Variants in PLS1 observed in about 807,000 individuals in gnomAD.
PLS1 encodes plastin-1.
Under a neutral mutation model 73.7 loss-of-function variants are expected in PLS1, and 32 were observed. The ratio of observed to expected loss-of-function variants is 0.43; its 90% CI spans 0.33 to 0.58. The LOEUF (loss-of-function observed/expected upper bound fraction) is 0.58. Ranked by LOEUF, PLS1 falls within the 20% of genes least tolerant of loss-of-function variation. The pLI is 0.04. For missense variants in PLS1, 633 were observed against 740.5 expected, an observed-to-expected ratio of 0.85 and a Z score of 1.68; for synonymous variants, 217 against 261.3, an observed-to-expected ratio of 0.83 and a Z score of 1.63.
chr3:142,671,759 G>C (rs1454534592), intron 4 of PLS1, among the ~76,000 whole-genome samples: 1 of 152,120 alleles, frequency 6.6e-6, no homozygotes, highest in Admixed American at 6.5e-5. Context: ...TTATTTATAT[G>C]AACATAACTA....
At chr3:142,660,709 T>C (rs1382503125) in intron 1 of PLS1, among the ~76,000 whole-genome samples, 1 of 152,248 alleles carries the variant, frequency 6.6e-6, no homozygotes, top group Non-Finnish European at 1.5e-5. Flanking sequence ...TTTTTCTGTT[T>C]GTTTCATTTC....
In PLS1 at chr3:142,669,537, T is replaced by C; in HGVS notation, c.218T>C (p.Phe73Ser). The C allele has an allele frequency of 1.2e-6, 2 of 1,612,712 alleles. No homozygotes were observed. The highest frequency in any genetic ancestry group is 1.7e-6 in the Non-Finnish European group (2 of 1,179,130). Residue 73 changes from phenylalanine (F) to serine (S), a missense_variant, in exon 3 of 16, where the codon TTT becomes TCT. Physicochemically the swap from Phe to Ser is radical, Grantham distance 155. Transcript: ENST00000457734. ...AGCAACAAAGATGGCAAAATCAGTTTTGAAGAGTTTGTGTCAGTAAGTAAT... is the reference window on the plus strand; with the variant it reads ...AGCAACAAAGATGGCAAAATCAGTTCTGAAGAGTTTGTGTCAGTAAGTAAT... ...ADSNKDGKIS[F>S]EEFVSLMQEL...
intron 10 of PLS1, among the ~76,000 whole-genome samples, chr3:142,693,055 C>T (rs1162739994): frequency 6.6e-6 from 1 of 152,100 alleles, no homozygotes; most frequent in Non-Finnish European, 1.5e-5. Flanking sequence ...AAAAGATTCT[C>T]ATGTAGACTG....
chr3:142,662,894 G>T (rs1170003029), intron 1 of PLS1, among the ~76,000 whole-genome samples: 2 of 152,082 alleles, frequency 1.3e-5, no homozygotes, highest in African/African-American at 2.4e-5. Flanking sequence ...CCCCAAAAAG[G>T]TACACATGTG....
At chr3:142,650,136 A>G (rs1047579849) in intron 1 of PLS1, among the ~76,000 whole-genome samples, 39 of 151,330 alleles carry the variant, frequency 2.6e-4, no homozygotes, top group Admixed American at 7.9e-4. Flanking sequence ...AGGACTCTGA[A>G]TTCATGACTA....
At chr3:142,626,772 A>G (rs528215219) in intron 1 of PLS1, among the ~76,000 whole-genome samples, 1 of 152,280 alleles carries the variant, frequency 6.6e-6, no homozygotes, top group East Asian at 1.9e-4. Flanking sequence ...ACAGTCTCCA[A>G]TTGCTTTGAA....
chr3:142,621,930 G>A (rs954581751), intron 1 of PLS1, among the ~76,000 whole-genome samples: 4 of 152,172 alleles, frequency 2.6e-5, no homozygotes, highest in Admixed American at 1.3e-4. Context: ...AATTTTCAAT[G>A]CAAAAAACAT....
chr3:142,610,402 A>G (rs918394049), intron 1 of PLS1, among the ~76,000 whole-genome samples: 8 of 152,222 alleles, frequency 5.3e-5, no homozygotes, highest in African/African-American at 1.9e-4. Context: ...AGCACAGAGT[A>G]CAGTAAGATC....
intron 2 of PLS1, among the ~76,000 whole-genome samples, chr3:142,664,600 G>T (rs1302541983): frequency 2.0e-5 from 3 of 151,958 alleles, no homozygotes; most frequent in Non-Finnish European, 2.9e-5. Flanking sequence ...TTATTACAGA[G>T]AAAAAAATAT....
chr3:142,653,295 A>G (rs1305577521), intron 1 of PLS1, among the ~76,000 whole-genome samples: 1 of 149,566 alleles, frequency 6.7e-6, no homozygotes, highest in Non-Finnish European at 1.5e-5. Context: ...ATTCTTACCC[A>G]CCCCTTTTAG....
chr3:142,609,502 T>G (rs1483353173), intron 1 of PLS1, among the ~76,000 whole-genome samples: 5 of 152,190 alleles, frequency 3.3e-5, no homozygotes, highest in African/African-American at 1.2e-4. Context: ...TGGCTAGAAC[T>G]AAGCTCATCA....
intron 1 of PLS1, among the ~76,000 whole-genome samples, chr3:142,639,029 C>T (rs2036772062): frequency 6.6e-6 from 1 of 152,142 alleles, no homozygotes. Flanking sequence ...GTGTGAGCCA[C>T]CACAGCTGGC....
chr3:142,675,695 T>G (rs1263950627), intron 4 of PLS1, among the ~76,000 whole-genome samples: 1 of 151,832 alleles, frequency 6.6e-6, no homozygotes, highest in Non-Finnish European at 1.5e-5. Flanking sequence ...TTTTTTTTTT[T>G]GAAAGGGTCT....
At chr3:142,606,161 G>A (rs1168665642) in intron 1 of PLS1, among the ~76,000 whole-genome samples, 2 of 152,172 alleles carry the variant, frequency 1.3e-5, no homozygotes, top group East Asian at 3.8e-4. Flanking sequence ...AAATATCAGT[G>A]GGAATAGTCT....
intron 14 of PLS1, among the ~76,000 whole-genome samples, chr3:142,708,818 T>TA (rs1932972477): frequency 6.6e-6 from 1 of 152,200 alleles, no homozygotes; most frequent in African/African-American, 2.4e-5. Context: ...ACTGATAATG[T>TA]ACAAATCAGA....
intron 1 of PLS1, among the ~76,000 whole-genome samples, chr3:142,613,269 G>A (rs1341972354): frequency 1.3e-5 from 2 of 152,058 alleles, no homozygotes; most frequent in Non-Finnish European, 2.9e-5. Flanking sequence ...CTTGTGGCCA[G>A]GAGTTGAAGA....
intron 5 of PLS1, among the ~76,000 whole-genome samples, chr3:142,677,141 T>C (rs1325187174): frequency 6.6e-6 from 1 of 152,160 alleles, no homozygotes; most frequent in East Asian, 1.9e-4. Flanking sequence ...TTCTAAAATA[T>C]AGAGACAAAA....
intron 5 of PLS1, among the ~76,000 whole-genome samples, chr3:142,676,552 G>T (rs1347500665): frequency 1.3e-5 from 2 of 152,056 alleles, no homozygotes; most frequent in African/African-American, 4.8e-5. Context: ...TGAGTTATTT[G>T]TCTGATGCAG....
intron 1 of PLS1, among the ~76,000 whole-genome samples, chr3:142,623,852 A>G (rs551473947): frequency 1.1e-4 from 16 of 152,302 alleles, no homozygotes; most frequent in African/African-American, 3.6e-4. Context: ...GGTTGGATAA[A>G]AATATTAGAC....
Sources: gnomAD v4.1 joint callset for allele counts (sites outside exome capture counted in the v4.1 genomes callset) on GRCh38, gnomAD v4.1.1 for gene constraint, MANE v1.5 for transcripts, NCBI Gene and HGNC (gene_info 2026-07-23, HGNC 2026-07-21) for gene names.